The following COPG2 variants were observed in gnomAD, a reference collection of about 807,000 sequenced individuals.
The protein encoded by COPG2 is coatomer subunit gamma-2.
Under a neutral mutation model 46.3 loss-of-function variants are expected in COPG2, and 37 were observed. That is an observed-to-expected ratio of 0.80 (90% CI 0.61 to 1.05). COPG2 has a LOEUF of 1.05. Ranked by LOEUF, COPG2 falls within the 50% of genes least tolerant of loss-of-function variation. The pLI is 0.00. For missense variants in COPG2, 427 were observed against 387.8 expected (o/e 1.10, Z -0.85); for synonymous variants, 159 against 129.7 (o/e 1.23, Z -1.53).
At position 130,530,812 on chromosome 7, in the gene COPG2, T is replaced by C. The variant is rs1045592258; in HGVS notation, c.2149+16862A>G. Among the ~76,000 whole-genome samples, 671 of 148,558 alleles carry C rather than the reference T, an allele frequency of 4.5e-3. 7 individuals carry two copies. The highest frequency in any genetic ancestry group is 0.015 in the African/African-American group (625 of 40,412). On this transcript the variant is annotated intron_variant, in intron 20 of 23. Transcript: ENST00000425248. Reference sequence around the variant, plus strand: ...AGGGAAGGATGGAGGGCAGAAAGAGTGGTGGAAGGGAGCTGGGCAGGACAG... The same window carrying C: ...AGGGAAGGATGGAGGGCAGAAAGAGCGGTGGAAGGGAGCTGGGCAGGACAG...
At chr7:130,597,344 C>T (rs549947992) in intron 9 of COPG2, among the ~76,000 whole-genome samples, 16 of 152,286 alleles carry the variant, frequency 1.1e-4, no homozygotes, top group African/African-American at 3.6e-4. Context: ...CTACTGCAGA[C>T]AGAGGTTGGG....
In COPG2 at chr7:130,595,217, C is replaced by T. The variant is rs188385121; in HGVS notation, c.737+15736G>A. 2.0e-3 allele frequency among the ~76,000 whole-genome samples: 309 copies of T among 152,192 alleles called. 2 individuals carry two copies. Among genetic ancestry groups the T allele is most frequent in the African/African-American group, 6.7e-3 (279 of 41,520 alleles). On this transcript the variant is annotated intron_variant, in intron 9 of 23. Transcript: ENST00000425248. Reference sequence around the variant, plus strand: ...GTACTGATAACTTCTACAATATAAACGAATCTTGAAAACATTATACTAAAT... The same window carrying T: ...GTACTGATAACTTCTACAATATAAATGAATCTTGAAAACATTATACTAAAT...
intron 9 of COPG2, among the ~76,000 whole-genome samples, chr7:130,577,473 C>T (rs1456935953): frequency 6.6e-6 from 1 of 152,220 alleles, no homozygotes; most frequent in Non-Finnish European, 1.5e-5. Flanking sequence ...GCTTAAAAAA[C>T]AGCCCAGGCC....
At chr7:130,648,966 C>CAAA (rs1795676704) in intron 5 of COPG2, among the ~76,000 whole-genome samples, 1 of 152,136 alleles carries the variant, frequency 6.6e-6, no homozygotes, top group Non-Finnish European at 1.5e-5. Flanking sequence ...TTGAGTCTTT[C>CAAA]ACTTCATCCT....
chr7:130,649,730 T>C (rs1795699320), intron 5 of COPG2, among the ~76,000 whole-genome samples: 1 of 152,346 alleles, frequency 6.6e-6, no homozygotes, highest in Non-Finnish European at 1.5e-5. Context: ...ATATTTCTAT[T>C]GTCATGGCAA....
At chr7:130,610,294 A>T (rs1794819818) in intron 9 of COPG2, among the ~76,000 whole-genome samples, 1 of 152,216 alleles carries the variant, frequency 6.6e-6, no homozygotes, top group Non-Finnish European at 1.5e-5. Context: ...TTTACAAATG[A>T]TCTGAGGAAC....
chr7:130,602,755 G>A (rs533457089), intron 9 of COPG2: 2 of 152,378 alleles, frequency 1.3e-5, no homozygotes, highest in Non-Finnish European at 2.9e-5. Flanking sequence ...CTACAGGCAT[G>A]AGCCACCACA....
At chr7:130,585,361 A>G (rs577242984) in intron 9 of COPG2, among the ~76,000 whole-genome samples, 3 of 152,122 alleles carry the variant, frequency 2.0e-5, no homozygotes, top group Admixed American at 6.6e-5. Flanking sequence ...AACTATAAAA[A>G]TCCTAGAAGA....
At chr7:130,560,587 T>C (rs1369577610) in intron 12 of COPG2, among the ~76,000 whole-genome samples, 1 of 152,182 alleles carries the variant, frequency 6.6e-6, no homozygotes, top group East Asian at 1.9e-4. Flanking sequence ...CATTAATCAA[T>C]ATTAGTGTGG....
chr7:130,564,717 T>C (rs1363042879), intron 9 of COPG2, among the ~76,000 whole-genome samples: 4 of 152,212 alleles, frequency 2.6e-5, no homozygotes, highest in Non-Finnish European at 4.4e-5. Context: ...CCCAGTTCCA[T>C]AGCAGTCTTG....
chr7:130,620,446 G>A (rs1795019622), intron 5 of COPG2, among the ~76,000 whole-genome samples: 1 of 152,186 alleles, frequency 6.6e-6, no homozygotes, highest in Non-Finnish European at 1.5e-5. Flanking sequence ...GGCCCATAGA[G>A]TGGAGCTGGG....
intron 9 of COPG2, chr7:130,604,804 G>GA (rs1554450986): frequency 2.1e-6 from 1 of 481,156 alleles, no homozygotes; most frequent in Non-Finnish European, 4.1e-6. Flanking sequence ...GTTTAGTGGA[G>GA]TTTTTTTGTA....
In COPG2 at chr7:130,651,666, G is replaced by A. The variant is rs1055313380; in HGVS notation, c.323+1203C>T. 7.9e-5 allele frequency among the ~76,000 whole-genome samples: 12 copies of A among 151,280 alleles called. 1 individual carries two copies. The highest frequency in any genetic ancestry group is 1.2e-4 in the African/African-American group (5 of 41,280). Reference sequence around the variant, plus strand: ...CGAGTAGCTGGGACTACAGGCGCCCGCCACCGCGCCCGGCTAATTTTTTGT... The same window carrying A: ...CGAGTAGCTGGGACTACAGGCGCCCACCACCGCGCCCGGCTAATTTTTTGT... On this transcript the variant is annotated intron_variant, in intron 5 of 23. Transcript: ENST00000425248.
intron 20 of COPG2, among the ~76,000 whole-genome samples, chr7:130,537,822 G>A (rs911107381): frequency 2.3e-4 from 35 of 152,194 alleles, no homozygotes; most frequent in Admixed American, 8.5e-4. Flanking sequence ...CATGGTGTGG[G>A]TAAGACACGG....
intron 5 of COPG2, among the ~76,000 whole-genome samples, chr7:130,640,107 C>T (rs1179894925): frequency 6.8e-6 from 1 of 147,632 alleles, no homozygotes; most frequent in Non-Finnish European, 1.5e-5. Context: ...CACAAACAAA[C>T]AAACAAACAA....
At chr7:130,655,663 G>A (rs1442964608) in intron 4 of COPG2, among the ~76,000 whole-genome samples, 1 of 151,386 alleles carries the variant, frequency 6.6e-6, no homozygotes, top group African/African-American at 2.4e-5. Flanking sequence ...ACCTCCATTC[G>A]TTTTCTCAAC....
In COPG2 at chr7:130,611,175, T is replaced by C. The variant is rs146759224; in HGVS notation, c.580-65A>G. On this transcript the variant is annotated intron_variant, in intron 8 of 23. Coordinates refer to ENST00000425248, the MANE Select transcript of COPG2 (RefSeq NM_012133.6). ...AGATGTCAAAATATTTACACAAAAATAGAATTACACGGAACTAGATTAAAG... is the reference window on the plus strand; with the variant it reads ...AGATGTCAAAATATTTACACAAAAACAGAATTACACGGAACTAGATTAAAG... 1,393 of 1,429,016 alleles carry C rather than the reference T, an allele frequency of 9.7e-4. 7 individuals carry two copies. In the African/African-American group the frequency reaches 0.017, roughly 18 times the overall value. 88.5% of individuals were successfully genotyped at this position (1,429,016 alleles called of 1,614,324 possible).
intron 20 of COPG2, among the ~76,000 whole-genome samples, chr7:130,519,155 G>A (rs1799705064): frequency 1.3e-5 from 2 of 152,126 alleles, no homozygotes; most frequent in African/African-American, 2.4e-5. Context: ...GGTATAAGGA[G>A]GGCCGGGATG....
chr7:130,571,200 T>C (rs1302864322), intron 9 of COPG2, among the ~76,000 whole-genome samples: 2 of 152,078 alleles, frequency 1.3e-5, no homozygotes, highest in Non-Finnish European at 2.9e-5. Context: ...TAGATGGGAC[T>C]TAATTAAACT....
Sources: allele counts gnomAD v4.1 joint callset (sites outside exome capture counted in the v4.1 genomes callset), GRCh38; gene constraint gnomAD v4.1.1; transcripts MANE v1.5; gene names NCBI Gene and HGNC (gene_info 2026-07-23, HGNC 2026-07-21).